The following MFGE8 variants were observed in gnomAD, a reference collection of about 807,000 sequenced individuals.
The protein encoded by MFGE8 is milk fat globule EGF and factor V/VIII domain containing.
A neutral mutation model predicts 42.6 loss-of-function variants in MFGE8; 34 were observed. The observed-to-expected ratio is 0.80, with a 90% confidence interval of 0.61 to 1.06. MFGE8 has a LOEUF of 1.06. Among genes scored for constraint, MFGE8 ranks in the 50% least tolerant of loss-of-function variants. The pLI is 0.00. For missense variants in MFGE8, 510 were observed against 516.9 expected (o/e 0.99, Z 0.13); for synonymous variants, 230 against 214.8 (o/e 1.07, Z -0.62).
chr15:88,899,646 A>C lies in MFGE8; in HGVS notation c.1026+10T>G. On this transcript the variant is annotated intron_variant, in intron 7 of 7. Transcript: ENST00000268150. The surrounding 1 kb of genome is among the most constrained non-coding windows in gnomAD (Gnocchi z 6.8). Reference sequence around the variant, plus strand: ...AATGGCAAAGGGTGGGCAGCTGGACAGACACCCACCTTACTGCTGCCAGTC... The same window carrying C: ...AATGGCAAAGGGTGGGCAGCTGGACCGACACCCACCTTACTGCTGCCAGTC... The C allele has an allele frequency of 6.2e-7, 1 of 1,614,186 alleles. No individual in the cohort carries two copies. Among genetic ancestry groups the C allele is most frequent in the Non-Finnish European group, 8.5e-7 (1 of 1,179,998 alleles).
Position 88,903,179 on chromosome 15 carries a change from G to A in MFGE8, c.686-1444C>T, listed in dbSNP as rs1018985160. 1.3e-5 allele frequency: 2 copies of A among 152,230 alleles called. No individual in the cohort carries two copies. The highest frequency in any genetic ancestry group is 4.8e-5 in the African/African-American group (2 of 41,426). 9.4% of individuals were successfully genotyped at this position (152,230 alleles called of 1,614,324 possible). A position where few individuals can be genotyped will look rare whatever the true frequency, so the allele number is the denominator to read the frequency against. On this transcript the variant is annotated intron_variant, in intron 5 of 7. Coordinates refer to ENST00000268150, the MANE Select transcript of MFGE8 (RefSeq NM_005928.4). The surrounding 1 kb of genome is among the most constrained non-coding windows in gnomAD (Gnocchi z 4.9). ...AATTCTGCACAATGTGCTCAACGCA[G>A]ACCCCTCTACAGATCATCTGCTTCT...
In MFGE8 at chr15:88,906,912, C is replaced by T; in HGVS notation, c.388-134G>A. 8.7e-7 allele frequency: 1 copy of T among 1,155,398 alleles called. No individual in the cohort carries two copies. Among genetic ancestry groups the T allele is most frequent in the Non-Finnish European group, 1.3e-6 (1 of 790,748 alleles). The allele number at this position is 1,155,398 out of a possible 1,614,324, so 71.6% of individuals were successfully genotyped here. A position where few individuals can be genotyped will look rare whatever the true frequency, so the allele number is the denominator to read the frequency against. On this transcript the variant is annotated intron_variant, in intron 3 of 7. Coordinates refer to ENST00000268150, the MANE Select transcript of MFGE8 (RefSeq NM_005928.4). The surrounding 1 kb of genome is among the most constrained non-coding windows in gnomAD (Gnocchi z 4.2). ...GCAAAACAGAGGAGGGGTAGCTGAGCACACTGCCCGCACAAAGGGCTTTCT... is the reference window on the plus strand; with the variant it reads ...GCAAAACAGAGGAGGGGTAGCTGAGTACACTGCCCGCACAAAGGGCTTTCT...
chr15:88,912,504 C>G (rs1181252788), intron 1 of MFGE8: 1 of 985,300 alleles, frequency 1.0e-6, no homozygotes, highest in Non-Finnish European at 1.2e-6. Flanking sequence ...GACTCCCTCC[C>G]AGCGCTCCAC....
Position 88,906,666 on chromosome 15 carries a change from T to C in MFGE8, c.500A>G (p.His167Arg), listed in dbSNP as rs748323901. The part of the protein sequence containing the change: ...AFKVAYSLNG[H>R]EFDFIHDVNK... Reference sequence around the variant, plus strand: ...AACATCATGGATGAAATCGAATTCGTGTCCATTAAGGCTGTAGGCCACCTT... The same window carrying C: ...AACATCATGGATGAAATCGAATTCGCGTCCATTAAGGCTGTAGGCCACCTT... The change falls in exon 4 of 8, where the codon CAC becomes CGC. Residue 167 changes from histidine (H) to arginine (R), a missense_variant. His to Arg is a conservative substitution (Grantham distance 29, BLOSUM62 0). Transcript: ENST00000268150. The surrounding 1 kb of genome is among the most constrained non-coding windows in gnomAD (Gnocchi z 4.2). The C allele has an allele frequency of 1.9e-6, 3 of 1,612,358 alleles. No individual in the cohort carries two copies.
intron 3 of MFGE8, 24 bp downstream of exon 3, chr15:88,907,171 C>T (rs1419794028): frequency 1.9e-6 from 3 of 1,606,472 alleles, no homozygotes; most frequent in South Asian, 2.2e-5. Flanking sequence ...CATTGCCCCG[C>T]CCCAGGGCCA....
At chr15:88,901,948 C>T in intron 5 of MFGE8, 1 of 591,322 alleles carries the variant, frequency 1.7e-6, no homozygotes. Flanking sequence ...CAGCCGGGCT[C>T]AGCTCCTCAC....
intron 5 of MFGE8, chr15:88,904,604 T>C (rs1898579848): frequency 1.3e-5 from 2 of 152,268 alleles, no homozygotes; most frequent in South Asian, 4.1e-4. Flanking sequence ...GACCTGGCTC[T>C]GTCCTTTCCC....
chr15:88,901,247 A>ACACATT lies in MFGE8; in HGVS notation c.870+303_870+304insAATGTG, dbSNP rs1473004728. Among the ~76,000 whole-genome samples the ACACATT allele has an allele frequency of 2.2e-4, 11 of 51,074 alleles. 2 individuals carry two copies. The highest frequency in any genetic ancestry group is 7.2e-4 in the South Asian group (1 of 1,390). 33.5% of individuals were successfully genotyped at this position (51,074 alleles called of 152,430 possible). On this transcript the variant is annotated intron_variant, in intron 6 of 7. Coordinates refer to ENST00000268150, the MANE Select transcript of MFGE8 (RefSeq NM_005928.4). ...CATACACATTCACACACACATTCACACGCACGCATTCACACGCACGCATTC... is the reference window on the plus strand; with the variant it reads ...CATACACATTCACACACACATTCACACACATTCGCACGCATTCACACGCACGCATTC...
At chr15:88,901,521 C>CCCCCCCCCAAACCCACAA in intron 6 of MFGE8, 30 bp downstream of exon 6, 1 of 1,271,268 alleles carries the variant, frequency 7.9e-7, no homozygotes, top group Non-Finnish European at 1.1e-6. Flanking sequence ...CACCCAACCC[C>CCCCCCCCCAAACCCACAA]AGCCCCATAT....
At position 88,899,076 on chromosome 15, in the gene MFGE8, C is replaced by T. The variant is rs1164127460; in HGVS notation, c.*319G>A. ...CAGAGACACACGCACCTGGGATCGG[C>T]GGTCCGGACAGGGGCAGGGAAACCA... On this transcript the variant is annotated 3_prime_UTR_variant, in exon 8 of 8. Transcript: ENST00000268150. The surrounding 1 kb of genome is among the most constrained non-coding windows in gnomAD (Gnocchi z 6.8). 27 of 436,076 alleles carry T rather than the reference C, an allele frequency of 6.2e-5. No homozygotes were observed. Among genetic ancestry groups the T allele is most frequent in the Middle Eastern group, 6.9e-4 (1 of 1,448 alleles). 27.0% of individuals were successfully genotyped at this position (436,076 alleles called of 1,614,324 possible). A position where few individuals can be genotyped will look rare whatever the true frequency, so the allele number is the denominator to read the frequency against.
At chr15:88,912,399 C>A (rs1899007019) in intron 1 of MFGE8, 1 of 985,112 alleles carries the variant, frequency 1.0e-6, no homozygotes, top group Non-Finnish European at 1.2e-6. Context: ...GATCACAGGA[C>A]ATAGGGCTGG....
chr15:88,899,154 G>A lies in MFGE8; in HGVS notation c.*241C>T, dbSNP rs542947697. On this transcript the variant is annotated 3_prime_UTR_variant, in exon 8 of 8. Transcript: ENST00000268150. The surrounding 1 kb of genome is among the most constrained non-coding windows in gnomAD (Gnocchi z 6.8). ...ATCCCAGACCTACTCAGATCCCTCA[G>A]TGCCTAAGAAAACAGGACAGTGAGG... is the stretch of plus-strand genomic sequence containing the variant. 1.1e-4 allele frequency: 64 copies of A among 595,854 alleles called. No homozygotes were observed. Among genetic ancestry groups the A allele is most frequent in the South Asian group, 9.8e-4 (50 of 51,094 alleles). 36.9% of individuals were successfully genotyped at this position (595,854 alleles called of 1,614,324 possible). A position where few individuals can be genotyped will look rare whatever the true frequency, so the allele number is the denominator to read the frequency against.
At position 88,899,347 on chromosome 15, in the gene MFGE8, G is replaced by A. The variant is rs187926615; in HGVS notation, c.*48C>T. On this transcript the variant is annotated 3_prime_UTR_variant, in exon 8 of 8. Transcript: ENST00000268150. The surrounding 1 kb of genome is among the most constrained non-coding windows in gnomAD (Gnocchi z 6.8). ...TTTAAAGGGGCTGAGAAGCCAAGAG[G>A]CAGCGGGCCCATGGAAAGCAGGAAG... 463 of 1,611,332 alleles carry A rather than the reference G, an allele frequency of 2.9e-4. 1 individual carries two copies. The East Asian group carries it at 4.0e-3, about 14-fold the overall frequency.
At chr15:88,911,971 GGCGGGGGC>G (rs1898981113) in intron 1 of MFGE8, among the ~76,000 whole-genome samples, 2 of 152,298 alleles carry the variant, frequency 1.3e-5, no homozygotes, top group East Asian at 3.9e-4. Flanking sequence ...TGACCTGGCA[GGCGGGGGC>G]GAGCATTGAC....
chr15:88,900,779 G>C, intron 6 of MFGE8: 2 of 982,732 alleles, frequency 2.0e-6, no homozygotes, highest in Non-Finnish European at 2.4e-6. Flanking sequence ...TGACAGACAA[G>C]GGCTGTCACA....
chr15:88,901,731 G>T lies in MFGE8; in HGVS notation c.690C>A (p.Cys230Ter). The T allele has an allele frequency of 1.1e-5, 17 of 1,613,880 alleles. No homozygotes were observed. Among genetic ancestry groups the T allele is most frequent in the Non-Finnish European group, 1.4e-5 (17 of 1,179,952 alleles). ...TATTCTTCAGGCCCAGGGGATTGGC[G>T]CATCCTGCCAGCAAGGTGGGCTGTC... ...FELLGCELNGCANPLGLKNNS... is the reference protein window; with the variant it reads ...FELLGCELNG The change falls in exon 6 of 8, where the codon TGC becomes TGA. Residue 230 changes from cysteine (C) to a stop codon, truncating the protein, a stop_gained. Coordinates refer to ENST00000268150, the MANE Select transcript of MFGE8 (RefSeq NM_005928.4). LOFTEE classifies it high-confidence loss of function.
chr15:88,904,786 A>T (rs1040942545), intron 5 of MFGE8: 6 of 152,418 alleles, frequency 3.9e-5, no homozygotes, highest in Admixed American at 3.3e-4. Flanking sequence ...GTGGTGTCTG[A>T]AATGAGACAA....
rs1898466376 is a variant in MFGE8, at chr15:88,902,173, C to G, written c.686-438G>C. The G allele has an allele frequency of 4.7e-6, 1 of 210,994 alleles. No homozygotes were observed. 13.1% of individuals were successfully genotyped at this position (210,994 alleles called of 1,614,324 possible). ...CCTCCCATCCGTCCCATGGCACAGT[C>G]ACTATCTACTTTAATAACAACCACA... On this transcript the variant is annotated intron_variant, in intron 5 of 7. Transcript: ENST00000268150. The surrounding 1 kb of genome is among the most constrained non-coding windows in gnomAD (Gnocchi z 4.3).
rs980480809 is a variant in MFGE8 at position 88,907,458 on chromosome 15, G to A, written c.206-82C>T. 1.8e-5 allele frequency: 23 copies of A among 1,278,602 alleles called. No individual in the cohort carries two copies. In the Middle Eastern group the frequency reaches 6.1e-4, roughly 34 times the overall value. The allele number at this position is 1,278,602 out of a possible 1,614,324, so 79.2% of individuals were successfully genotyped here. A position where few individuals can be genotyped will look rare whatever the true frequency, so the allele number is the denominator to read the frequency against. The stretch of plus-strand genomic sequence containing the variant: ...TGGGACCCAGCGGACAAGAAAATAA[G>A]ACTGTATGACCTCTGCCTAAGCCCC... On this transcript the variant is annotated intron_variant, in intron 2 of 7. Coordinates refer to ENST00000268150, the MANE Select transcript of MFGE8 (RefSeq NM_005928.4).
Sources: gnomAD v4.1 joint callset for allele counts (sites outside exome capture counted in the v4.1 genomes callset) on GRCh38, gnomAD v4.1.1 for gene constraint, Gnocchi (gnomAD v3.1) non-coding constraint, MANE v1.5 for transcripts, NCBI Gene and HGNC (gene_info 2026-07-23, HGNC 2026-07-21) for gene names.